The following KCNIP4 variants were observed in gnomAD, a reference collection of about 807,000 sequenced individuals.
KCNIP4 encodes the protein Kv channel-interacting protein 4.
In KCNIP4, 12 loss-of-function variants were observed where a neutral mutation model predicts 34.0. The ratio of observed to expected loss-of-function variants is 0.35; its 90% CI spans 0.23 to 0.57. The LOEUF (loss-of-function observed/expected upper bound fraction) is 0.57, where lower values mean the gene tolerates loss of function less well. Ranked by LOEUF, KCNIP4 falls within the 20% of genes least tolerant of loss-of-function variation. The pLI, the probability that KCNIP4 is intolerant of heterozygous loss-of-function variation, is 0.83. For missense variants in KCNIP4, 238 were observed against 311.7 expected (o/e 0.76, Z 1.78); for synonymous variants, 124 against 102.2 (o/e 1.21, Z -1.29).
intron 1 of KCNIP4, among the ~76,000 whole-genome samples, chr4:21,520,096 C>CGG (rs972074281): frequency 1.3e-5 from 2 of 151,836 alleles, no homozygotes; most frequent in African/African-American, 4.8e-5. Context: ...TCACGTTTTT[C>CGG]GGCCTGCTTT....
intron 1 of KCNIP4, among the ~76,000 whole-genome samples, chr4:21,836,866 G>A (rs554631397): frequency 1.3e-5 from 2 of 151,320 alleles, no homozygotes; most frequent in African/African-American, 4.9e-5. Context: ...AAGTGCAGAG[G>A]TATTAATATG....
chr4:21,556,934 A>C lies in KCNIP4; in HGVS notation c.61+391637T>G, dbSNP rs543945969. Among the ~76,000 whole-genome samples the C allele has an allele frequency of 6.7e-5, 10 of 149,890 alleles. 2 individuals carry two copies. The highest frequency in any genetic ancestry group is 2.2e-4 in the African/African-American group (9 of 40,856). On this transcript the variant is annotated intron_variant, in intron 1 of 8. Coordinates refer to ENST00000382152, the MANE Select transcript of KCNIP4 (RefSeq NM_025221.6). ...AGACTCCATCTCAGAAAAAAAAAAA[A>C]AAAAAAAAACCAGAAAACAAAAATG... is the stretch of plus-strand genomic sequence containing the variant.
intron 1 of KCNIP4, among the ~76,000 whole-genome samples, chr4:20,921,967 T>C (rs776399306): frequency 1.3e-5 from 2 of 152,210 alleles, no homozygotes; most frequent in Non-Finnish European, 2.9e-5. Flanking sequence ...TTTATCTCAA[T>C]TAAAAATATG....
chr4:21,401,197 A>G (rs1185320316), intron 1 of KCNIP4, among the ~76,000 whole-genome samples: 1 of 152,140 alleles, frequency 6.6e-6, no homozygotes, highest in Admixed American at 6.5e-5. Flanking sequence ...AGGCCATTAA[A>G]CTAGCAGGCT....
intron 3 of KCNIP4, among the ~76,000 whole-genome samples, chr4:20,782,034 G>A (rs1012205646): frequency 3.9e-5 from 6 of 152,144 alleles, no homozygotes; most frequent in African/African-American, 1.4e-4. Flanking sequence ...AGGGGTCACA[G>A]GGCCCTTGCA....
At chr4:20,988,724 T>C (rs1413170489) in intron 1 of KCNIP4, among the ~76,000 whole-genome samples, 1 of 152,244 alleles carries the variant, frequency 6.6e-6, no homozygotes, top group Non-Finnish European at 1.5e-5. Flanking sequence ...CAGAAAATGT[T>C]ACTCCAAAAT....
chr4:21,212,372 G>A (rs1757277363), intron 1 of KCNIP4, among the ~76,000 whole-genome samples: 1 of 152,100 alleles, frequency 6.6e-6, no homozygotes, highest in Non-Finnish European at 1.5e-5. Flanking sequence ...ATTTCTCTTG[G>A]AACCTGGTTT....
intron 1 of KCNIP4, among the ~76,000 whole-genome samples, chr4:21,645,177 CAT>C (rs1169648122): frequency 6.6e-6 from 1 of 151,936 alleles, no homozygotes; most frequent in African/African-American, 2.4e-5. Flanking sequence ...GTGTTGCAAA[CAT>C]ATTAATTCAT....
intron 1 of KCNIP4, among the ~76,000 whole-genome samples, chr4:21,175,241 A>T (rs1754319668): frequency 6.6e-6 from 1 of 152,166 alleles, no homozygotes; most frequent in South Asian, 2.1e-4. Flanking sequence ...AGAAAATAAG[A>T]TGCCTATCTT....
chr4:21,734,289 G>C (rs1715825594), intron 1 of KCNIP4, among the ~76,000 whole-genome samples: 1 of 152,128 alleles, frequency 6.6e-6, no homozygotes, highest in Non-Finnish European at 1.5e-5. Context: ...TGCTATTTCA[G>C]TGGAATGTAC....
At chr4:21,030,001 A>T (rs1052108334) in intron 1 of KCNIP4, among the ~76,000 whole-genome samples, 1 of 152,166 alleles carries the variant, frequency 6.6e-6, no homozygotes, top group African/African-American at 2.4e-5. Context: ...ATTTAAAAAA[A>T]TAGTTCAGTT....
rs148154277 is a variant in KCNIP4, at chr4:21,349,409, G to A, written c.62-466700C>T. On this transcript the variant is annotated intron_variant, in intron 1 of 8. Coordinates refer to ENST00000382152, the MANE Select transcript of KCNIP4 (RefSeq NM_025221.6). ...GTTTTCCTGCTGAAATAGAGGAGTC[G>A]CTGGAGACACTGGATTTAGGCAGGG... 2.6e-3 allele frequency among the ~76,000 whole-genome samples: 390 copies of A among 152,196 alleles called. 1 individual carries two copies. Among genetic ancestry groups the A allele is most frequent in the African/African-American group, 9.0e-3 (375 of 41,532 alleles).
chr4:21,930,261 T>A (rs1272931024), intron 1 of KCNIP4, among the ~76,000 whole-genome samples: 1 of 152,148 alleles, frequency 6.6e-6, no homozygotes, highest in East Asian at 1.9e-4. Flanking sequence ...ACAGATTGTC[T>A]TCTTGATTAT....
At chr4:21,046,322 GATGA>G (rs1455267168) in intron 1 of KCNIP4, among the ~76,000 whole-genome samples, 1 of 152,146 alleles carries the variant, frequency 6.6e-6, no homozygotes, top group Non-Finnish European at 1.5e-5. Context: ...TAAGAGGAGG[GATGA>G]ATCACTGGAA....
chr4:21,386,270 G>A (rs1722028177), intron 1 of KCNIP4, among the ~76,000 whole-genome samples: 1 of 152,056 alleles, frequency 6.6e-6, no homozygotes, highest in Admixed American at 6.6e-5. Context: ...TTACTAAATA[G>A]ACATGAAGTT....
chr4:21,897,569 G>C (rs1421562639), intron 1 of KCNIP4, among the ~76,000 whole-genome samples: 3 of 152,114 alleles, frequency 2.0e-5, no homozygotes, highest in Non-Finnish European at 4.4e-5. Context: ...AGGGGAAAAA[G>C]ATATATTTAG....
intron 1 of KCNIP4, among the ~76,000 whole-genome samples, chr4:20,906,500 A>G (rs1232198399): frequency 6.6e-6 from 1 of 152,140 alleles, no homozygotes; most frequent in African/African-American, 2.4e-5. Flanking sequence ...CCTTGCCAGG[A>G]ACTCCACTAG....
chr4:21,147,560 T>C (rs1224017170), intron 1 of KCNIP4, among the ~76,000 whole-genome samples: 1 of 152,160 alleles, frequency 6.6e-6, no homozygotes, highest in Non-Finnish European at 1.5e-5. Flanking sequence ...TCAAAGTTTT[T>C]AAAAATGTAT....
intron 1 of KCNIP4, among the ~76,000 whole-genome samples, chr4:21,122,212 C>T (rs1176407360): frequency 2.8e-5 from 4 of 140,654 alleles, no homozygotes; most frequent in Admixed American, 2.2e-4. Context: ...TTTTGAAAAT[C>T]AATATTTTCC....
Sources: gnomAD v4.1 joint callset for allele counts (sites outside exome capture counted in the v4.1 genomes callset) on GRCh38, gnomAD v4.1.1 for gene constraint, MANE v1.5 for transcripts, NCBI Gene and HGNC (gene_info 2026-07-23, HGNC 2026-07-21) for gene names.